The following KIF15 variants were observed in gnomAD, a reference collection of about 807,000 sequenced individuals.
The protein encoded by KIF15 is kinesin-like protein KIF15.
Under a neutral mutation model 190.6 loss-of-function variants are expected in KIF15, and 140 were observed. The observed-to-expected ratio is 0.73, with a 90% CI of 0.64 to 0.84. The LOEUF is 0.84. Among genes scored for constraint, KIF15 ranks in the 40% least tolerant of loss-of-function variants. The pLI, the probability that KIF15 is intolerant of heterozygous loss-of-function variation, is 0.00. For missense variants in KIF15, 1,372 were observed against 1,584.4 expected, an observed-to-expected ratio of 0.87 and a Z score of 2.28; for synonymous variants, 528 against 551.3, an observed-to-expected ratio of 0.96 and a Z score of 0.59.
At chr3:44,836,375 A>G (rs1256267149) in intron 26 of KIF15, among the ~76,000 whole-genome samples, 1 of 151,270 alleles carries the variant, frequency 6.6e-6, no homozygotes, top group Non-Finnish European at 1.5e-5. Context: ...TAAATAAATA[A>G]TTTTTTTTTA....
chr3:44,818,586 A>G (rs1708129185), intron 20 of KIF15, among the ~76,000 whole-genome samples: 1 of 152,218 alleles, frequency 6.6e-6, no homozygotes, highest in Admixed American at 6.5e-5. Flanking sequence ...CATGCCATAG[A>G]TACAGCCGAC....
rs902112452 is a variant in KIF15, at chr3:44,814,849, C to G, written c.2384-62C>G. The G allele has an allele frequency of 3.9e-5, 53 of 1,358,910 alleles. 1 individual carries two copies. Among genetic ancestry groups the G allele is most frequent in the Non-Finnish European group, 5.0e-5 (50 of 1,001,276 alleles). 84.2% of individuals were successfully genotyped at this position (1,358,910 alleles called of 1,614,324 possible). A position where few individuals can be genotyped will look rare whatever the true frequency, so the allele number is the denominator to read the frequency against. On this transcript the variant is annotated intron_variant, in intron 19 of 34. Transcript: ENST00000326047. ...ATTTTGCTAATTGTGGGACTAGTACCTATCAGATTTATTTGTCTGCTTTAA... is the reference window on the plus strand; with the variant it reads ...ATTTTGCTAATTGTGGGACTAGTACGTATCAGATTTATTTGTCTGCTTTAA...
intron 6 of KIF15, among the ~76,000 whole-genome samples, chr3:44,866,625 G>A (rs920676651): frequency 9.9e-5 from 15 of 152,178 alleles, no homozygotes; most frequent in Non-Finnish European, 2.9e-5. Context: ...GTCTTGTCCA[G>A]ACCCTCCTCC....
intron 1 of KIF15, among the ~76,000 whole-genome samples, chr3:44,763,759 C>T (rs974979779): frequency 6.6e-6 from 1 of 151,984 alleles, no homozygotes; most frequent in Non-Finnish European, 1.5e-5. Context: ...GCAATCTTGG[C>T]TCACTGCAAT....
intron 7 of KIF15, among the ~76,000 whole-genome samples, chr3:44,789,691 T>A (rs866107776): frequency 5.4e-4 from 59 of 109,772 alleles, no homozygotes; most frequent in East Asian, 4.3e-3. Flanking sequence ...TATATATATA[T>A]AAAATAGATA....
chr3:44,862,016 G>A (rs1699258893), intron 6 of KIF15: 4 of 1,380,934 alleles, frequency 2.9e-6, no homozygotes, highest in Non-Finnish European at 3.8e-6. Context: ...CTCCAGGCGG[G>A]TGCGATGCGG....
chr3:44,833,019 A>C (rs1166264849), intron 26 of KIF15, among the ~76,000 whole-genome samples: 1 of 151,916 alleles, frequency 6.6e-6, no homozygotes, highest in Non-Finnish European at 1.5e-5. Flanking sequence ...CAAAAAAAAA[A>C]AAAAAAAAAG....
chr3:44,855,773 G>A (rs148926058), downstream of KIF15, among the ~76,000 whole-genome samples: 618 of 152,226 alleles, frequency 4.1e-3, 3 homozygotes, highest in African/African-American at 0.014. Context: ...AAGACACAAG[G>A]TCCAAATAAG....
Position 44,852,682 on chromosome 3 carries a change from A to T in KIF15, c.4114A>T (p.Lys1372Ter), listed in dbSNP as rs764783534. The stretch of plus-strand genomic sequence containing the variant: ...TTTTAAAATTACTTAGGAGACAGAA[A>T]AGTTGCGTGCCGAAAATGTATTTTT... Reference protein sequence around the residue: ...ENVRLAEETEKLRAENVFLKE... With the variant: ...ENVRLAEETE The change falls in exon 35 of 35, where the codon AAG becomes TAG. Residue 1372 changes from lysine (K) to a stop codon, truncating the protein, a stop_gained. Coordinates refer to ENST00000326047, the MANE Select transcript of KIF15 (RefSeq NM_020242.3). LOFTEE classifies it high-confidence loss of function. 1.3e-6 allele frequency: 2 copies of T among 1,596,522 alleles called. No individual in the cohort carries two copies. The highest frequency in any genetic ancestry group is 1.7e-6 in the Non-Finnish European group (2 of 1,174,328).
In KIF15 at chr3:44,829,587, T is replaced by TTATATGTATATGATATG. The variant is rs1559575079; in HGVS notation, c.2944-379_2944-378insGTATATGATATGTATAT. 2.4e-4 allele frequency among the ~76,000 whole-genome samples: 7 copies of TTATATGTATATGATATG among 28,684 alleles called. 1 individual carries two copies. The highest frequency in any genetic ancestry group is 9.4e-4 in the African/African-American group (6 of 6,408). The allele number at this position is 28,684 out of a possible 152,430, so 18.8% of individuals were successfully genotyped here. A position where few individuals can be genotyped will look rare whatever the true frequency, so the allele number is the denominator to read the frequency against. On this transcript the variant is annotated intron_variant, in intron 24 of 34. Coordinates refer to ENST00000326047, the MANE Select transcript of KIF15 (RefSeq NM_020242.3). ...TATGTATATATTATATATGTATATA[T>TTATATGTATATGATATG]TATATATTATATATGCATATATATT...
chr3:44,797,637 T>G lies in KIF15; in HGVS notation c.936T>G (p.His312Gln), dbSNP rs1462917358. ...LVDVGNGKQRHVCYRDSKLTF... is the reference protein window; with the variant it reads ...LVDVGNGKQRQVCYRDSKLTF... The stretch of plus-strand genomic sequence containing the variant: ...ACGTGGGTAATGGAAAACAGAGACA[T>G]GTTTGCTACAGAGACTCCAAACTTA... The change falls in exon 9 of 35, where the codon CAT becomes CAG. Residue 312 changes from histidine to glutamine, a missense_variant. Transcript: ENST00000326047. 2 of 1,614,132 alleles carry G rather than the reference T, an allele frequency of 1.2e-6. No individual in the cohort carries two copies. Among genetic ancestry groups the G allele is most frequent in the African/African-American group, 2.7e-5 (2 of 75,032 alleles).
chr3:44,806,510 A>C (rs573544406), intron 16 of KIF15, among the ~76,000 whole-genome samples: 15 of 152,318 alleles, frequency 9.8e-5, no homozygotes, highest in Middle Eastern at 6.8e-3. Flanking sequence ...TAAAAGAAAA[A>C]AAAATGTGTG....
Position 44,810,990 on chromosome 3 carries a change from G to T in KIF15, c.2116G>T (p.Glu706Ter). 6.2e-7 allele frequency: 1 copy of T among 1,613,854 alleles called. No homozygotes were observed. The highest frequency in any genetic ancestry group is 8.5e-7 in the Non-Finnish European group (1 of 1,179,908). ...NDILNEPVPP[E>*]MNEQAFEAIS... is the part of the protein sequence containing the mutation. ...TATATTAAATGAGCCAGTTCCTCCT[G>T]AGATGAATGAACAAGCTTTTGAGGC... Residue 706 changes from glutamate (E) to a stop codon, truncating the protein, a stop_gained, in exon 17 of 35, where the codon GAG becomes TAG. Transcript: ENST00000326047. LOFTEE classifies it high-confidence loss of function.
intron 4 of KIF15, among the ~76,000 whole-genome samples, chr3:44,780,051 C>T (rs1203052932): frequency 6.8e-6 from 1 of 146,018 alleles, no homozygotes; most frequent in Non-Finnish European, 1.5e-5. Context: ...TCTTGATTAA[C>T]ATCTTTAAAA....
intron 1 of KIF15, among the ~76,000 whole-genome samples, chr3:44,770,341 T>C (rs1575573843): frequency 4.6e-5 from 7 of 152,336 alleles, no homozygotes; most frequent in Admixed American, 6.5e-5. Flanking sequence ...TTGATGGAAC[T>C]CTATTCCACA....
intron 26 of KIF15, among the ~76,000 whole-genome samples, chr3:44,834,397 T>C (rs1222904702): frequency 6.6e-6 from 1 of 152,216 alleles, no homozygotes; most frequent in Non-Finnish European, 1.5e-5. Context: ...GACTCCAAAA[T>C]ACTGTCTGAA....
chr3:44,792,017 C>A (rs1357513704), intron 7 of KIF15, among the ~76,000 whole-genome samples: 1 of 151,946 alleles, frequency 6.6e-6, no homozygotes, highest in Non-Finnish European at 1.5e-5. Context: ...TAGTGCCCGG[C>A]CGCTTTTTTT....
intron 5 of KIF15, among the ~76,000 whole-genome samples, chr3:44,782,084 C>T (rs1265500336): frequency 6.6e-6 from 1 of 151,934 alleles, no homozygotes; most frequent in East Asian, 1.9e-4. Context: ...GAGCCTGCCC[C>T]TGTCGCCTAG....
intron 6 of KIF15, 91 bp from the exon 7 acceptor site, chr3:44,786,304 A>G (rs1470487935): frequency 2.0e-6 from 2 of 1,025,200 alleles, no homozygotes; most frequent in Admixed American, 2.4e-5. Context: ...GGAAATTTAC[A>G]TCTTGTGAAG....
Sources: allele counts gnomAD v4.1 joint callset (sites outside exome capture counted in the v4.1 genomes callset), GRCh38; gene constraint gnomAD v4.1.1; transcripts MANE v1.5; gene names NCBI Gene and HGNC (gene_info 2026-07-23, HGNC 2026-07-21).